PIEZO2: variants seen among roughly 807,000 people sequenced by gnomAD.
The protein encoded by PIEZO2 is piezo-type mechanosensitive ion channel component 2.
Under a neutral mutation model 337.3 loss-of-function variants are expected in PIEZO2, and 172 were observed. That is an observed-to-expected ratio of 0.51 (90% CI 0.45 to 0.58). The LOEUF (loss-of-function observed/expected upper bound fraction) is 0.58. Among genes scored for constraint, PIEZO2 ranks in the 20% least tolerant of loss-of-function variants. The pLI is 0.00. For missense variants in PIEZO2, 3,028 were observed against 3,391.3 expected (o/e 0.89, Z 2.66); for synonymous variants, 1,251 against 1,228.5 (o/e 1.02, Z -0.38).
At chr18:10,763,140 A>G in intron 21 of PIEZO2, 42 bp from the exon 22 acceptor site, 1 of 1,514,264 alleles carries the variant, frequency 6.6e-7, no homozygotes, top group Non-Finnish European at 8.9e-7. Context: ...AATACGTAAC[A>G]CGGCATAACA....
intron 4 of PIEZO2, among the ~76,000 whole-genome samples, chr18:10,874,307 C>CA (rs150328726): frequency 0.036 from 5,333 of 150,030 alleles, 286 homozygotes; most frequent in African/African-American, 0.12. Context: ...ATCAAAAAGA[C>CA]AAAAAAAAAT....
At chr18:10,839,073 C>T (rs2144592707) in intron 7 of PIEZO2, among the ~76,000 whole-genome samples, 1 of 152,314 alleles carries the variant, frequency 6.6e-6, no homozygotes, top group African/African-American at 2.4e-5. Flanking sequence ...GAGGGTTCCT[C>T]TGATGAGTTA....
intron 42 of PIEZO2, 43 bp downstream of exon 42, chr18:10,704,351 T>G: frequency 6.5e-7 from 1 of 1,528,790 alleles, no homozygotes; most frequent in Non-Finnish European, 8.8e-7. Flanking sequence ...TCCCCTTGCA[T>G]AGCCGCCTGA....
intron 2 of PIEZO2, among the ~76,000 whole-genome samples, chr18:10,996,820 A>G (rs537246369): frequency 2.0e-5 from 3 of 152,322 alleles, no homozygotes; most frequent in African/African-American, 7.2e-5. Flanking sequence ...TTTTATGTAC[A>G]TACTTTATAT....
At chr18:11,046,484 GATAA>G (rs1489928699) in intron 2 of PIEZO2, among the ~76,000 whole-genome samples, 2 of 152,344 alleles carry the variant, frequency 1.3e-5, no homozygotes, top group African/African-American at 2.4e-5. Context: ...GCTAACTGGT[GATAA>G]ATAAGTAATC....
intron 4 of PIEZO2, among the ~76,000 whole-genome samples, chr18:10,885,317 A>G (rs1347843083): frequency 2.6e-5 from 4 of 152,030 alleles, no homozygotes; most frequent in African/African-American, 4.8e-5. Flanking sequence ...CTAGCTACTC[A>G]GGAGGCTGAG....
At chr18:10,706,122 T>A (rs2035575954) in intron 40 of PIEZO2, among the ~76,000 whole-genome samples, 1 of 152,116 alleles carries the variant, frequency 6.6e-6, no homozygotes, top group South Asian at 2.1e-4. Context: ...AGGAGGGGCA[T>A]CTCTGGAGGG....
chr18:10,810,228 C>A (rs1030645075), intron 7 of PIEZO2, among the ~76,000 whole-genome samples: 1 of 152,062 alleles, frequency 6.6e-6, no homozygotes, highest in Admixed American at 6.5e-5. Context: ...TACTTAAGAA[C>A]TCACAGATTC....
intron 3 of PIEZO2, among the ~76,000 whole-genome samples, chr18:10,916,469 C>T (rs973354765): frequency 3.3e-5 from 5 of 152,138 alleles, no homozygotes; most frequent in East Asian, 3.9e-4. Flanking sequence ...TTGAGCATGG[C>T]GCTGGCGGCC....
Position 11,142,795 on chromosome 18 carries a change from A to G in PIEZO2, c.64+5730T>C, listed in dbSNP as rs868417235. Among the ~76,000 whole-genome samples, 659 of 135,604 alleles carry G rather than the reference A, an allele frequency of 4.9e-3. 1 individual carries two copies. Among genetic ancestry groups the G allele is most frequent in the Middle Eastern group, 8.1e-3 (2 of 246 alleles). The allele number at this position is 135,604 out of a possible 152,430, so 89.0% of individuals were successfully genotyped here. A position where few individuals can be genotyped will look rare whatever the true frequency, so the allele number is the denominator to read the frequency against. Reference sequence around the variant, plus strand: ...GATTATCGCAAAAAAAAAAAAAAAAAGGACCGGGCACGGTGGCTCACACCT... The same window carrying G: ...GATTATCGCAAAAAAAAAAAAAAAAGGGACCGGGCACGGTGGCTCACACCT... On this transcript the variant is annotated intron_variant, in intron 1 of 55. Transcript: ENST00000674853.
At position 11,078,617 on chromosome 18, in the gene PIEZO2, C is replaced by T. The variant is rs1307159963; in HGVS notation, c.65-12395G>A. Among the ~76,000 whole-genome samples, 1 of 152,200 alleles carries T rather than the reference C, an allele frequency of 6.6e-6. No homozygotes were observed. Among genetic ancestry groups the T allele is most frequent in the East Asian group, 1.9e-4 (1 of 5,198 alleles). Reference sequence around the variant, plus strand: ...TTCTGTTGCTAGAGAAGTAGACACACCTTTTATGGCATGAATTCAGCCTTG... The same window carrying T: ...TTCTGTTGCTAGAGAAGTAGACACATCTTTTATGGCATGAATTCAGCCTTG... On this transcript the variant is annotated intron_variant, in intron 1 of 55. Transcript: ENST00000674853. This position sits in a 1 kb window ranked among gnomAD's most constrained non-coding sequence, Gnocchi z 5.3.
At chr18:11,075,885 TTC>T (rs1176377442) in intron 1 of PIEZO2, among the ~76,000 whole-genome samples, 1 of 149,738 alleles carries the variant, frequency 6.7e-6, no homozygotes, top group Non-Finnish European at 1.5e-5. Flanking sequence ...GCCTCCCAGG[TTC>T]ATGCCATTCT....
Position 10,787,197 on chromosome 18 carries a change from C to T in PIEZO2, c.2170-13G>A, listed in dbSNP as rs1251620693. ...ATTCATAGTGCACCTGCAAATCAGA[C>T]ATTGAAAAAAAAAAATGAGAAAAAA... On this transcript the variant is annotated splice_polypyrimidine_tract_variant and intron_variant, in intron 15 of 55. Transcript: ENST00000674853. 5 of 1,453,580 alleles carry T rather than the reference C, an allele frequency of 3.4e-6. No individual in the cohort carries two copies. In the Admixed American group the frequency reaches 8.7e-5, roughly 25 times the overall value. 90.0% of individuals were successfully genotyped at this position (1,453,580 alleles called of 1,614,324 possible). A position where few individuals can be genotyped will look rare whatever the true frequency, so the allele number is the denominator to read the frequency against.
chr18:10,781,173 T>A lies in PIEZO2; in HGVS notation c.2493-807A>T, dbSNP rs2038967715. Reference sequence around the variant, plus strand: ...CAAACCTGCATAAATTAAAGAGCTATAAAAGTAATGAATATGGCCGGGTGT... The same window carrying A: ...CAAACCTGCATAAATTAAAGAGCTAAAAAAGTAATGAATATGGCCGGGTGT... On this transcript the variant is annotated intron_variant, in intron 17 of 55. Transcript: ENST00000674853. This position sits in a 1 kb window ranked among gnomAD's most constrained non-coding sequence, Gnocchi z 4.1. Among the ~76,000 whole-genome samples, 1 of 152,050 alleles carries A rather than the reference T, an allele frequency of 6.6e-6. No homozygotes were observed. The highest frequency in any genetic ancestry group is 1.5e-5 in the Non-Finnish European group (1 of 67,998).
chr18:10,816,527 T>G (rs950400518), intron 7 of PIEZO2, among the ~76,000 whole-genome samples: 1 of 152,200 alleles, frequency 6.6e-6, no homozygotes, highest in South Asian at 2.1e-4. Flanking sequence ...TAATCAGAAA[T>G]GTTTTCAAAG....
Position 11,143,635 on chromosome 18 carries a change from ACACACTCTCTCT to A in PIEZO2, c.64+4878_64+4889del, listed in dbSNP as rs1245510263. On this transcript the variant is annotated intron_variant, in intron 1 of 55. Coordinates refer to ENST00000674853, the MANE Select transcript of PIEZO2 (RefSeq NM_001378183.1). The surrounding 1 kb of genome is among the most constrained non-coding windows in gnomAD (Gnocchi z 4.9). ...CACACACACACACACACACACACAC[ACACACTCTCTCT>A]CTCTCTCTCTCTCTCTCTCTCTCTC... is the stretch of plus-strand genomic sequence containing the variant. Among the ~76,000 whole-genome samples, 52 of 75,928 alleles carry A rather than the reference ACACACTCTCTCT, an allele frequency of 6.8e-4. No individual in the cohort carries two copies. The highest frequency in any genetic ancestry group is 4.1e-3 in the African/African-American group (51 of 12,514). The allele number at this position is 75,928 out of a possible 152,430, so 49.8% of individuals were successfully genotyped here. A position where few individuals can be genotyped will look rare whatever the true frequency, so the allele number is the denominator to read the frequency against.
In PIEZO2 at chr18:10,724,833, CCACGGCGGCCACATGCGTCGCAGTGAGAG is replaced by C; in HGVS notation, c.5029+6545_5029+6573del. 6.3e-7 allele frequency: 1 copy of C among 1,597,316 alleles called. No individual in the cohort carries two copies. Among genetic ancestry groups the C allele is most frequent in the Non-Finnish European group, 8.5e-7 (1 of 1,171,118 alleles). The stretch of plus-strand genomic sequence containing the variant: ...AGTCGTTCTCACAGATGCACCTGGG[CCACGGCGGCCACATGCGTCGCAGTGAGAG>C]CACCTACTCTGTAAATAGTACTGGC... On this transcript the variant is annotated intron_variant, in intron 36 of 55. Transcript: ENST00000674853. This position sits in a 1 kb window ranked among gnomAD's most constrained non-coding sequence, Gnocchi z 5.8.
At chr18:11,095,466 C>G (rs2039235997) in intron 1 of PIEZO2, among the ~76,000 whole-genome samples, 1 of 152,202 alleles carries the variant, frequency 6.6e-6, no homozygotes, top group Non-Finnish European at 1.5e-5. Flanking sequence ...CAAGTCAGAC[C>G]TCAGTTAGAA....
At position 10,840,594 on chromosome 18, in the gene PIEZO2, A is replaced by G. The variant is rs150768662; in HGVS notation, c.917+14759T>C. On this transcript the variant is annotated intron_variant, in intron 7 of 55. Coordinates refer to ENST00000674853, the MANE Select transcript of PIEZO2 (RefSeq NM_001378183.1). ...AAATCTAGCTCAATACAAGTAATCTATTTATAGTAAATATCCAAAATATCC... is the reference window on the plus strand; with the variant it reads ...AAATCTAGCTCAATACAAGTAATCTGTTTATAGTAAATATCCAAAATATCC... Among the ~76,000 whole-genome samples, 1,436 of 152,300 alleles carry G rather than the reference A, an allele frequency of 9.4e-3. 3 individuals carry two copies. The highest frequency in any genetic ancestry group is 0.015 in the Admixed American group (235 of 15,300).
Sources: allele counts gnomAD v4.1 joint callset (sites outside exome capture counted in the v4.1 genomes callset), GRCh38; gene constraint gnomAD v4.1.1; non-coding constraint Gnocchi (gnomAD v3.1); transcripts MANE v1.5; gene names NCBI Gene and HGNC (gene_info 2026-07-23, HGNC 2026-07-21).